ATP5PF: variants seen among roughly 807,000 people sequenced by gnomAD.
ATP5PF encodes the protein ATP synthase peripheral stalk subunit F6.
ATP5PF carries 7 observed loss-of-function variants against 12.0 expected under a neutral mutation model. The observed-to-expected ratio is 0.58, with a 90% CI of 0.33 to 1.10. The LOEUF is 1.10. Ranked by LOEUF, ATP5PF falls within the 50% of genes least tolerant of loss-of-function variation. The pLI, the probability that ATP5PF is intolerant of heterozygous loss-of-function variation, is 0.03. For synonymous variants in ATP5PF, 41 were observed against 45.4 expected (o/e 0.90, Z 0.39); for missense variants, 120 against 127.7 (o/e 0.94, Z 0.29).
At chr21:25,727,911 A>G (rs1375811056) in intron 2 of ATP5PF, among the ~76,000 whole-genome samples, 1 of 152,192 alleles carries the variant, frequency 6.6e-6, no homozygotes, top group Non-Finnish European at 1.5e-5. Context: ...CCATGTCTAC[A>G]AAGCACAGAG....
Position 25,734,900 on chromosome 21 carries a change from G to C in ATP5PF, c.-55C>G. 1 of 1,561,116 alleles carries C rather than the reference G, an allele frequency of 6.4e-7. No homozygotes were observed. The highest frequency in any genetic ancestry group is 1.2e-5 in the South Asian group (1 of 85,068). The stretch of plus-strand genomic sequence containing the variant: ...CAAAGCCTCCGCCGCCACCACCTCC[G>C]CTCTACTTCCGGCCCTGGCTCCGCC... On this transcript the variant is annotated 5_prime_UTR_variant, in exon 1 of 4. Coordinates refer to ENST00000284971, the MANE Select transcript of ATP5PF (RefSeq NM_001003703.2).
At position 25,734,684 on chromosome 21, in the gene ATP5PF, G is replaced by C. The variant is rs1265747584; in HGVS notation, c.-8+169C>G. On this transcript the variant is annotated intron_variant, in intron 1 of 3. Transcript: ENST00000284971. Reference sequence around the variant, plus strand: ...TTCTGGGTCTACGGCAAACTCCAAGGTCTACAAACGTAGAGGTCAGCTGTG... The same window carrying C: ...TTCTGGGTCTACGGCAAACTCCAAGCTCTACAAACGTAGAGGTCAGCTGTG... 8 of 666,734 alleles carry C rather than the reference G, an allele frequency of 1.2e-5. No individual in the cohort carries two copies. The East Asian group carries it at 2.3e-4, about 19-fold the overall frequency. 41.3% of individuals were successfully genotyped at this position (666,734 alleles called of 1,614,324 possible).
chr21:25,735,106 C>T (rs1177071667), upstream of ATP5PF: 2 of 775,000 alleles, frequency 2.6e-6, no homozygotes, highest in African/African-American at 1.7e-5. Flanking sequence ...CAGCCTCCGC[C>T]ATCTTTTCTT....
At chr21:25,731,406 CT>C (rs35211681) in intron 1 of ATP5PF, among the ~76,000 whole-genome samples, 149,583 of 149,658 alleles carry the variant, frequency 1, 74,754 homozygotes, top group Middle Eastern at 1. Flanking sequence ...ATTTCTCAAT[CT>C]TTTTTTTTTT....
intron 1 of ATP5PF, among the ~76,000 whole-genome samples, chr21:25,731,551 A>C (rs1179443163): frequency 6.6e-6 from 1 of 150,992 alleles, no homozygotes; most frequent in East Asian, 2.0e-4. Flanking sequence ...CACCAGGCTA[A>C]TTTTTACTTT....
intron 2 of ATP5PF, among the ~76,000 whole-genome samples, chr21:25,727,725 A>G (rs990028266): frequency 2.0e-5 from 3 of 152,226 alleles, no homozygotes; most frequent in Non-Finnish European, 4.4e-5. Context: ...TGCAAACAGC[A>G]TCAATACTCT....
chr21:25,729,655 A>T lies in ATP5PF; in HGVS notation c.140T>A (p.Ile47Asn). ...DPIQKLFVDK[I>N]REYKSKRQTS... Reference sequence around the variant, plus strand: ...CTGTCGCTTAGATTTGTATTCTCTAATCTTGTCCACAAAGAGTTTCTGTAT... The same window carrying T: ...CTGTCGCTTAGATTTGTATTCTCTATTCTTGTCCACAAAGAGTTTCTGTAT... The change falls in exon 2 of 4, where the codon ATT becomes AAT. Residue 47 changes from isoleucine (I) to asparagine (N), a missense_variant. Ile to Asn is a moderately radical substitution (Grantham distance 149). Coordinates refer to ENST00000284971, the MANE Select transcript of ATP5PF (RefSeq NM_001003703.2). The T allele has an allele frequency of 6.2e-7, 1 of 1,613,166 alleles. No individual in the cohort carries two copies. The highest frequency in any genetic ancestry group is 8.5e-7 in the Non-Finnish European group (1 of 1,179,508).
upstream of ATP5PF, chr21:25,734,969 T>G (rs2034971977): frequency 6.4e-7 from 1 of 1,567,418 alleles, no homozygotes; most frequent in African/African-American, 1.4e-5. Context: ...GGGCCGCCGT[T>G]TCAGTCGGTC....
chr21:25,735,078 C>T (rs938179819), upstream of ATP5PF: 11 of 990,254 alleles, frequency 1.1e-5, no homozygotes, highest in African/African-American at 9.6e-5. Flanking sequence ...AGGGTAAGTG[C>T]TTCCGGGTCC....
chr21:25,734,327 A>G, intron 1 of ATP5PF: 1 of 986,154 alleles, frequency 1.0e-6, no homozygotes, highest in Non-Finnish European at 1.2e-6. Context: ...TATAGTGATG[A>G]CTGACCGGCC....
rs780022177 is a variant in ATP5PF at position 25,724,627 on chromosome 21, T to G, written c.*13A>C. 4 of 1,603,092 alleles carry G rather than the reference T, an allele frequency of 2.5e-6. No individual in the cohort carries two copies. The East Asian group carries it at 9.0e-5, about 36-fold the overall frequency. ...TCCGTGACAAATTACCAGATTAATT[T>G]TACTTTATTTCTTCAGGCCTGGGGT... is the stretch of plus-strand genomic sequence containing the variant. On this transcript the variant is annotated 3_prime_UTR_variant, in exon 4 of 4. Coordinates refer to ENST00000284971, the MANE Select transcript of ATP5PF (RefSeq NM_001003703.2).
intron 1 of ATP5PF, among the ~76,000 whole-genome samples, chr21:25,732,154 A>G (rs1203543504): frequency 6.6e-6 from 1 of 152,206 alleles, no homozygotes. Flanking sequence ...CCAAGGAGAC[A>G]TCTGGCAATG....
At chr21:25,725,177 T>A in intron 3 of ATP5PF, 49 bp downstream of exon 3, 1 of 1,569,290 alleles carries the variant, frequency 6.4e-7, no homozygotes, top group East Asian at 2.2e-5. Context: ...AGTGTAAATA[T>A]TCTTCACTTA....
chr21:25,734,923 GC>G (rs772184748), upstream of ATP5PF: 9 of 1,570,626 alleles, frequency 5.7e-6, no homozygotes, highest in Admixed American at 7.4e-5. Context: ...CCCTGGCTCC[GC>G]CCCCACACGC....
At chr21:25,730,775 A>AAAAAAAAAAAAAAAAAAAAAAAAT (rs2034751155) in intron 1 of ATP5PF, among the ~76,000 whole-genome samples, 1 of 136,936 alleles carries the variant, frequency 7.3e-6, no homozygotes, top group Non-Finnish European at 1.5e-5. Flanking sequence ...AAAAAAAAAA[A>AAAAAAAAAAAAAAAAAAAAAAAAT]GACTTAAAGA....
chr21:25,725,558 G>C (rs562237981), intron 2 of ATP5PF, among the ~76,000 whole-genome samples: 2 of 151,948 alleles, frequency 1.3e-5, no homozygotes, highest in African/African-American at 4.8e-5. Context: ...TCCTGTCTCA[G>C]CCTCCCAAGT....
intron 1 of ATP5PF, among the ~76,000 whole-genome samples, chr21:25,733,050 C>T (rs1251057434): frequency 7.0e-6 from 1 of 143,708 alleles, no homozygotes; most frequent in Non-Finnish European, 1.5e-5. Context: ...AAATATGCTT[C>T]ACCTGACAGA....
chr21:25,727,333 C>A (rs11910256), intron 2 of ATP5PF, among the ~76,000 whole-genome samples: 5,058 of 152,286 alleles, frequency 0.033, 260 homozygotes, highest in African/African-American at 0.11. Flanking sequence ...GCTTATCTTG[C>A]TTATTACTAT....
At chr21:25,735,616 C>G (rs536528775), upstream of ATP5PF, 1 of 152,514 alleles carries the variant, frequency 6.6e-6, no homozygotes, top group Non-Finnish European at 1.5e-5. Flanking sequence ...AGCGCGGGCC[C>G]TCGCGGGCCG....
Sources: gnomAD v4.1 joint callset for allele counts (sites outside exome capture counted in the v4.1 genomes callset) on GRCh38, gnomAD v4.1.1 for gene constraint, MANE v1.5 for transcripts, NCBI Gene and HGNC (gene_info 2026-07-23, HGNC 2026-07-21) for gene names.